Variants in ATP11C observed in about 807,000 individuals in gnomAD.
ATP11C encodes the protein phospholipid-transporting ATPase IG.
ATP11C carries 36 observed loss-of-function variants against 97.4 expected under a neutral mutation model. The observed-to-expected ratio is 0.37, with a 90% CI of 0.28 to 0.49. ATP11C has a LOEUF of 0.49. Among genes scored for constraint, ATP11C ranks in the 20% least tolerant of loss-of-function variants. The pLI, the probability that ATP11C is intolerant of heterozygous loss-of-function variation, is 0.98. For synonymous variants in ATP11C, 275 were observed against 290.9 expected, an observed-to-expected ratio of 0.95 and a Z score of 0.56; for missense variants, 730 against 824.6, an observed-to-expected ratio of 0.89 and a Z score of 1.40.
At chrX:139,847,176 G>T (rs2083921412) in intron 1 of ATP11C, among the ~76,000 whole-genome samples, 1 of 111,104 alleles carries the variant, frequency 9.0e-6, no homozygotes, top group African/African-American at 3.3e-5. Flanking sequence ...CTTGAGCTCA[G>T]GAGTTCGAGA....
At chrX:139,913,339 A>G (rs2085105786) in intron 1 of ATP11C, among the ~76,000 whole-genome samples, 2 of 111,877 alleles carry the variant, frequency 1.8e-5, no homozygotes, top group African/African-American at 6.5e-5. Flanking sequence ...AATTAATTCT[A>G]GAGCATAGTT....
intron 1 of ATP11C, among the ~76,000 whole-genome samples, chrX:139,904,886 G>T (rs2084951791): frequency 8.9e-6 from 1 of 112,207 alleles, no homozygotes; most frequent in Admixed American, 9.5e-5. Context: ...GAGCCTAGCA[G>T]GTAGAGTAAG....
chrX:139,869,468 T>C (rs1206401783), intron 1 of ATP11C, among the ~76,000 whole-genome samples: 1 of 110,362 alleles, frequency 9.1e-6, no homozygotes, highest in African/African-American at 3.3e-5. Flanking sequence ...AATAGAATCA[T>C]ATGATGTTTA....
At chrX:139,913,239 A>G in intron 1 of ATP11C, among the ~76,000 whole-genome samples, 1 of 111,931 alleles carries the variant, frequency 8.9e-6, no homozygotes, top group Non-Finnish European at 1.9e-5. Flanking sequence ...GATTCCCAGG[A>G]AGCTTGCCCG....
At chrX:139,865,487 C>T (rs977858742) in intron 1 of ATP11C, among the ~76,000 whole-genome samples, 6 of 112,101 alleles carry the variant, frequency 5.4e-5, no homozygotes, top group Non-Finnish European at 1.1e-4. Flanking sequence ...ACAGGCCAGG[C>T]GTGGTGGCTC....
intron 1 of ATP11C, among the ~76,000 whole-genome samples, chrX:139,921,811 C>T (rs1170787028): frequency 9.0e-6 from 1 of 111,178 alleles, no homozygotes; most frequent in East Asian, 2.8e-4. Context: ...ATAATTTAAG[C>T]AGGGTAACTA....
At chrX:139,790,129 G>T (rs2082659921) in intron 12 of ATP11C, among the ~76,000 whole-genome samples, 1 of 110,512 alleles carries the variant, frequency 9.0e-6, no homozygotes, top group Non-Finnish European at 1.9e-5. Flanking sequence ...ACTCAGGCTG[G>T]AATGCAGTAG....
At chrX:139,907,581 T>C (rs1456623497) in intron 1 of ATP11C, among the ~76,000 whole-genome samples, 1 of 109,770 alleles carries the variant, frequency 9.1e-6, no homozygotes, top group African/African-American at 3.3e-5. Flanking sequence ...ACCCCGTTTC[T>C]ACTAAAAATA....
At chrX:139,871,638 A>G (rs1174938620) in intron 1 of ATP11C, among the ~76,000 whole-genome samples, 2 of 105,644 alleles carry the variant, frequency 1.9e-5, no homozygotes, top group Non-Finnish European at 3.9e-5. Flanking sequence ...CTCCCACCTC[A>G]GCCTCCTGAG....
intron 6 of ATP11C, among the ~76,000 whole-genome samples, chrX:139,803,652 T>TA (rs2082974317): frequency 9.3e-6 from 1 of 107,663 alleles, no homozygotes; most frequent in Non-Finnish European, 1.9e-5. Flanking sequence ...ATAACTTACT[T>TA]ATAAAGCAAA....
intron 2 of ATP11C, 127 bp downstream of exon 2, chrX:139,826,577 A>T: frequency 2.1e-6 from 1 of 474,362 alleles, no homozygotes; most frequent in Non-Finnish European, 3.4e-6. Context: ...TATAGCTGGT[A>T]TATGATCCAT....
At chrX:139,884,067 T>C (rs1189079702) in intron 1 of ATP11C, among the ~76,000 whole-genome samples, 2 of 112,039 alleles carry the variant, frequency 1.8e-5, no homozygotes, top group African/African-American at 6.5e-5. Flanking sequence ...AATTTTCATG[T>C]GTCAAGCAGC....
At chrX:139,835,654 C>T (rs1229844064) in intron 1 of ATP11C, among the ~76,000 whole-genome samples, 1 of 108,451 alleles carries the variant, frequency 9.2e-6, no homozygotes, top group African/African-American at 3.3e-5. Flanking sequence ...ATCCACCCGC[C>T]TCGGCCTCCC....
At position 139,727,663 on chromosome X, in the gene ATP11C, C is replaced by CA. The variant is rs376991450; in HGVS notation, c.*1302dup. The CA allele has an allele frequency of 0.015, 1,489 of 96,316 alleles. 11 individuals are homozygous for CA. The highest frequency in any genetic ancestry group is 0.02 in the Non-Finnish European group (928 of 46,963). 7.9% of individuals were successfully genotyped at this position (96,316 alleles called of 1,213,427 possible). The stretch of plus-strand genomic sequence containing the variant: ...TAATAGTACAGGCATGCCAGAAAGA[C>CA]AAAAAAAAAACAAAAAAACTAGCAG... On this transcript the variant is annotated 3_prime_UTR_variant, in exon 30 of 30. Coordinates refer to ENST00000682941, the MANE Select transcript of ATP11C (RefSeq NM_001353812.2).
At chrX:139,798,527 C>T (rs915582522) in intron 9 of ATP11C, 152 bp downstream of exon 9, 8 of 511,067 alleles carry the variant, frequency 1.6e-5, no homozygotes, top group East Asian at 3.7e-5. Context: ...TGTCATATTT[C>T]GTCTTAGTTT....
chrX:139,750,061 T>C lies in ATP11C; in HGVS notation c.2792A>G (p.Asn931Ser). The C allele has an allele frequency of 5.8e-6, 7 of 1,205,180 alleles. No homozygotes were observed. The highest frequency in any genetic ancestry group is 7.9e-6 in the Non-Finnish European group (7 of 890,566). Residue 931 changes from asparagine to serine, a missense_variant, in exon 24 of 30, where the codon AAC (asparagine) becomes AGC (serine). Transcript: ENST00000682941. ...GGGATCTGAGGTCAGAGTGTCAATG[T>C]TGATGTGCTGTTCCAGTAGACTATA... ...LAYSLLEQHINIDTLTSDPRL... is the reference protein window; with the variant it reads ...LAYSLLEQHISIDTLTSDPRL...
chrX:139,833,453 C>T (rs1030772099), intron 1 of ATP11C, among the ~76,000 whole-genome samples: 4 of 111,044 alleles, frequency 3.6e-5, no homozygotes, highest in African/African-American at 1.3e-4. Context: ...CCTGTAATCC[C>T]AATGCTTTGC....
intron 2 of ATP11C, among the ~76,000 whole-genome samples, chrX:139,824,388 GT>G (rs59863300): frequency 0.057 from 6,354 of 110,594 alleles, 440 homozygotes; most frequent in African/African-American, 0.2. Flanking sequence ...AAGTATTTGT[GT>G]TCCCAGGAGA....
Position 139,923,957 on chromosome X carries a change from A to AT in ATP11C, c.27+8058dup, listed in dbSNP as rs1001191676. Among the ~76,000 whole-genome samples the AT allele has an allele frequency of 1.5e-4, 17 of 109,878 alleles. No homozygotes were observed. In the East Asian group the frequency reaches 2.0e-3, roughly 13 times the overall value. On this transcript the variant is annotated intron_variant, in intron 1 of 29. Transcript: ENST00000682941. The stretch of plus-strand genomic sequence containing the variant: ...ATTGCCATAAAATTCATTGCTCAGA[A>AT]TTTTTTTTTTCCTATATAGTCTTCT...
Sources: gnomAD v4.1 joint callset for allele counts (sites outside exome capture counted in the v4.1 genomes callset) on GRCh38, gnomAD v4.1.1 for gene constraint, MANE v1.5 for transcripts, NCBI Gene and HGNC (gene_info 2026-07-23, HGNC 2026-07-21) for gene names.